The following ZNF878 variants were observed in gnomAD, a reference collection of about 807,000 sequenced individuals.
ZNF878 encodes zinc finger protein 878.
ZNF878 carries 10 observed loss-of-function variants against 11.1 expected under a neutral mutation model. That is an observed-to-expected ratio of 0.90 (90% CI 0.56 to 1.53). ZNF878 has a LOEUF of 1.53. Among genes scored for constraint, ZNF878 ranks in the 40% most tolerant of loss-of-function variants. The pLI, the probability that ZNF878 is intolerant of heterozygous loss-of-function variation, is 0.00. For synonymous variants in ZNF878, 165 were observed against 209.7 expected, an observed-to-expected ratio of 0.79 and a Z score of 1.84; for missense variants, 548 against 626.1, an observed-to-expected ratio of 0.88 and a Z score of 1.33.
At chr19:12,051,095 C>CAAAAAAAAAAAAAAA (rs370628123) in intron 1 of ZNF878, among the ~76,000 whole-genome samples, 2 of 37,186 alleles carry the variant, frequency 5.4e-5, no homozygotes, top group Non-Finnish European at 1.1e-4. Flanking sequence ...GACTCCGTCT[C>CAAAAAAAAAAAAAAA]AAAAAAAAAA....
chr19:12,047,245 C>T lies in ZNF878; in HGVS notation c.4-485G>A, dbSNP rs115143135. Among the ~76,000 whole-genome samples the T allele has an allele frequency of 2.6e-3, 390 of 152,160 alleles. 3 individuals carry two copies. Among genetic ancestry groups the T allele is most frequent in the African/African-American group, 9.1e-3 (377 of 41,514 alleles). ...CCAAAAACAAAAAAACTGGGTTTGG[C>T]AAGGGGCTTTATTAATCTAACTGAT... On this transcript the variant is annotated intron_variant, in intron 1 of 3. Coordinates refer to ENST00000547628, the MANE Select transcript of ZNF878 (RefSeq NM_001080404.3).
chr19:12,051,095 C>CAAAAAAAAAAAAAAAA (rs370628123), intron 1 of ZNF878, among the ~76,000 whole-genome samples: 1 of 37,188 alleles, frequency 2.7e-5, no homozygotes, highest in Non-Finnish European at 5.6e-5. Flanking sequence ...GACTCCGTCT[C>CAAAAAAAAAAAAAAAA]AAAAAAAAAA....
At chr19:12,045,902 G>C (rs1975478580) in intron 3 of ZNF878, among the ~76,000 whole-genome samples, 1 of 151,856 alleles carries the variant, frequency 6.6e-6, no homozygotes, top group Non-Finnish European at 1.5e-5. Flanking sequence ...CGTATTTTTA[G>C]TAGAGACAGG....
chr19:12,052,910 T>A lies in ZNF878; in HGVS notation c.-109A>T. On this transcript the variant is annotated 5_prime_UTR_variant, in exon 1 of 4. Transcript: ENST00000547628. ...AGCTACGGCGGAAGTAACTGGTCCCTCTCGGAGCAAGAAAGCCCCAGACCT... is the reference window on the plus strand; with the variant it reads ...AGCTACGGCGGAAGTAACTGGTCCCACTCGGAGCAAGAAAGCCCCAGACCT... 1 of 1,480,220 alleles carries A rather than the reference T, an allele frequency of 6.8e-7. No individual in the cohort carries two copies. The highest frequency in any genetic ancestry group is 9.1e-7 in the Non-Finnish European group (1 of 1,100,414). The allele number at this position is 1,480,220 out of a possible 1,614,324, so 91.7% of individuals were successfully genotyped here.
intron 1 of ZNF878, among the ~76,000 whole-genome samples, chr19:12,049,694 T>C (rs928375235): frequency 4.0e-5 from 6 of 148,864 alleles, no homozygotes; most frequent in African/African-American, 1.2e-4. Context: ...CACTTGAACC[T>C]GGGAGGTGGA....
At position 12,044,648 on chromosome 19, in the gene ZNF878, T is replaced by G; in HGVS notation, c.753A>C (p.Gly251=). The G allele has an allele frequency of 6.2e-7, 1 of 1,614,116 alleles. No homozygotes were observed. Among genetic ancestry groups the G allele is most frequent in the Non-Finnish European group, 8.5e-7 (1 of 1,180,018 alleles). The change falls in exon 4 of 4, where the codon GGA becomes GGC. Residue 251 remains glycine, a synonymous_variant. Coordinates refer to ENST00000547628, the MANE Select transcript of ZNF878 (RefSeq NM_001080404.3). ...ATTGCTTGCATTTATAGCGTTTCTC[T>G]CCAGTGTGACTTTTCTCGTGTCTTT... ...SLKRHEKSHT[G]EKRYKCKQCD... is the part of the protein sequence containing the mutation.
rs1285974260 is a variant in ZNF878 at position 12,045,031 on chromosome 19, A to C, written c.370T>G (p.Phe124Val). The C allele has an allele frequency of 6.2e-7, 1 of 1,614,092 alleles. No individual in the cohort carries two copies. Among genetic ancestry groups the C allele is most frequent in the Admixed American group, 1.7e-5 (1 of 60,016 alleles). ...ATTGCAAGGCTACTGGAATAACTAA[A>C]GGCTCTGAGGTGCCTATTAAGGGAT... The part of the protein sequence containing the change: ...LSSLNRHLRA[F>V]SYSSSLAIHG... Residue 124 changes from phenylalanine to valine, a missense_variant, in exon 4 of 4, where the codon TTT becomes GTT. Transcript: ENST00000547628.
chr19:12,052,909 C>T lies in ZNF878; in HGVS notation c.-108G>A. 2.0e-6 allele frequency: 3 copies of T among 1,482,438 alleles called. No homozygotes were observed. Among genetic ancestry groups the T allele is most frequent in the East Asian group, 2.5e-5 (1 of 40,578 alleles). The allele number at this position is 1,482,438 out of a possible 1,614,324, so 91.8% of individuals were successfully genotyped here. On this transcript the variant is annotated 5_prime_UTR_variant, in exon 1 of 4. Transcript: ENST00000547628. Reference sequence around the variant, plus strand: ...CAGCTACGGCGGAAGTAACTGGTCCCTCTCGGAGCAAGAAAGCCCCAGACC... The same window carrying T: ...CAGCTACGGCGGAAGTAACTGGTCCTTCTCGGAGCAAGAAAGCCCCAGACC...
chr19:12,051,264 C>G (rs1022985914), intron 1 of ZNF878, among the ~76,000 whole-genome samples: 1 of 151,600 alleles, frequency 6.6e-6, no homozygotes, highest in South Asian at 2.1e-4. Context: ...CGCCATTGCA[C>G]TCCAGTCTCG....
chr19:12,052,492 C>G (rs1043031807), intron 1 of ZNF878, among the ~76,000 whole-genome samples: 1 of 152,260 alleles, frequency 6.6e-6, no homozygotes, highest in African/African-American at 2.4e-5. Context: ...CAGGATCCCC[C>G]ATGACCCTTC....
At chr19:12,045,310 C>T (rs972609448) in intron 3 of ZNF878, 101 bp from the exon 4 acceptor site, 9 of 982,524 alleles carry the variant, frequency 9.2e-6, no homozygotes, top group Non-Finnish European at 1.3e-5. Context: ...AAAGTGTAGG[C>T]TTTCTGTCCT....
intron 1 of ZNF878, 64 bp downstream of exon 1, chr19:12,052,735 G>T: frequency 6.5e-7 from 1 of 1,531,470 alleles, no homozygotes; most frequent in Non-Finnish European, 8.7e-7. Flanking sequence ...CGCCACAGCG[G>T]GTTCCTCTCG....
At chr19:12,052,672 C>A in intron 1 of ZNF878, 127 bp downstream of exon 1, 1 of 1,253,970 alleles carries the variant, frequency 8.0e-7, no homozygotes, top group East Asian at 2.7e-5. Flanking sequence ...GGCCGAGCTG[C>A]GCTAGGGGGA....
Position 12,044,748 on chromosome 19 carries a change from A to T in ZNF878, c.653T>A (p.Met218Lys). Residue 218 changes from methionine to lysine, a missense_variant, in exon 4 of 4, where the codon ATG (methionine) becomes AAG (lysine). Around this residue, in one of 3 missense-constraint regions of ZNF878, gnomAD observed 53 missense variants for 94.6 expected, o/e 0.56. Coordinates refer to ENST00000547628, the MANE Select transcript of ZNF878 (RefSeq NM_001080404.3). Reference protein sequence around the residue: ...LSYLVSFQTHMRMHTGERPHK... With the variant: ...LSYLVSFQTHKRMHTGERPHK... ...AGGTCTCTCTCCAGTGTGCATTCTC[A>T]TGTGTGTCTGAAAGCTTACAAGATA... 1 of 1,613,612 alleles carries T rather than the reference A, an allele frequency of 6.2e-7. No homozygotes were observed. Among genetic ancestry groups the T allele is most frequent in the South Asian group, 1.1e-5 (1 of 91,058 alleles).
At chr19:12,047,816 G>C (rs1006786702) in intron 1 of ZNF878, among the ~76,000 whole-genome samples, 1 of 152,040 alleles carries the variant, frequency 6.6e-6, no homozygotes, top group African/African-American at 2.4e-5. Flanking sequence ...CCCAAGTGTT[G>C]GTAAACCACA....
At position 12,045,172 on chromosome 19, in the gene ZNF878, T is replaced by C. The variant is rs763772063; in HGVS notation, c.229A>G (p.Ser77Gly). 1.9e-6 allele frequency: 3 copies of C among 1,611,300 alleles called. No individual in the cohort carries two copies. The highest frequency in any genetic ancestry group is 1.7e-6 in the Non-Finnish European group (2 of 1,178,590). ...IGERLSESKE[S>G]HQHGEVLTQV... is the part of the protein sequence containing the mutation. ...GTCAAAACTTCTCCATGCTGATGAC[T>C]TTCTTTACTTTCAGAGAGTCTCTCC... The change falls in exon 4 of 4, where the codon AGT (serine) becomes GGT (glycine). Residue 77 changes from serine (S) to glycine (G), a missense_variant. By Grantham distance (56) the Ser-to-Gly change is moderately conservative (BLOSUM62 0). This residue lies in a region of ZNF878 where 160 missense variants were observed against 173.3 expected (regional missense o/e 0.92). Coordinates refer to ENST00000547628, the MANE Select transcript of ZNF878 (RefSeq NM_001080404.3).
chr19:12,044,556 G>C lies in ZNF878; in HGVS notation c.845C>G (p.Pro282Arg). 1 of 1,613,980 alleles carries C rather than the reference G, an allele frequency of 6.2e-7. No homozygotes were observed. Among genetic ancestry groups the C allele is most frequent in the Non-Finnish European group, 8.5e-7 (1 of 1,180,010 alleles). The change falls in exon 4 of 4, where the codon CCC becomes CGC. Residue 282 changes from proline to arginine, a missense_variant. Pro to Arg is a moderately radical substitution (Grantham distance 103, BLOSUM62 -2). Coordinates refer to ENST00000547628, the MANE Select transcript of ZNF878 (RefSeq NM_001080404.3). ...TTTCCTACATTGTGTACACTCATAG[G>C]GTTTCTCTCCACTGTGAGTCCTTTC... ...YHERTHSGEK[P>R]YECTQCRKAF...
chr19:12,043,783 ATTGCTTACATCC>A (rs749731284), downstream of ZNF878: 8 of 1,560,398 alleles, frequency 5.1e-6, no homozygotes, highest in Admixed American at 2.0e-5. Flanking sequence ...ACTTTACCAT[ATTGCTTACATCC>A]ATAGAGTTTC....
chr19:12,049,104 C>G (rs1975524675), intron 1 of ZNF878, among the ~76,000 whole-genome samples: 1 of 147,154 alleles, frequency 6.8e-6, no homozygotes, highest in Non-Finnish European at 1.5e-5. Context: ...GATCACGCCA[C>G]TGCACTCCAG....
Sources: allele counts gnomAD v4.1 joint callset (sites outside exome capture counted in the v4.1 genomes callset), GRCh38; gene constraint gnomAD v4.1.1; regional missense constraint gnomAD v4.1.1; transcripts MANE v1.5; gene names NCBI Gene and HGNC (gene_info 2026-07-23, HGNC 2026-07-21).